HCN1: variants seen among roughly 807,000 people sequenced by gnomAD.
The protein encoded by HCN1 is hyperpolarization activated cyclic nucleotide gated potassium channel 1.
In HCN1, 13 loss-of-function variants were observed where a neutral mutation model predicts 78.9. The ratio of observed to expected loss-of-function variants is 0.16; its 90% CI spans 0.11 to 0.26. The LOEUF is 0.26. HCN1 is among the 10% of genes least tolerant of loss of function. The pLI, the probability that HCN1 is intolerant of heterozygous loss-of-function variation, is 1.00. For missense variants in HCN1, 810 were observed against 1,154.3 expected (o/e 0.70, Z 4.32); for synonymous variants, 552 against 455.5 (o/e 1.21, Z -2.70).
At chr5:45,539,453 G>A (rs1388480031) in intron 2 of HCN1, among the ~76,000 whole-genome samples, 1 of 151,206 alleles carries the variant, frequency 6.6e-6, no homozygotes, top group Non-Finnish European at 1.5e-5. Context: ...ACGAGGTCAG[G>A]AGATTGAGAC....
chr5:45,330,291 G>A (rs1395678951), intron 5 of HCN1, among the ~76,000 whole-genome samples: 1 of 151,170 alleles, frequency 6.6e-6, no homozygotes, highest in Non-Finnish European at 1.5e-5. Context: ...TTACACTGTT[G>A]TGCTTTAAGA....
chr5:45,485,396 T>C (rs577829903), intron 2 of HCN1, among the ~76,000 whole-genome samples: 4 of 152,188 alleles, frequency 2.6e-5, no homozygotes, highest in Admixed American at 1.3e-4. Context: ...TACATAAAAA[T>C]TTTTTAGAAA....
chr5:45,273,002 C>T (rs936431251), intron 6 of HCN1, among the ~76,000 whole-genome samples: 21 of 152,174 alleles, frequency 1.4e-4, no homozygotes, highest in South Asian at 4.1e-4. Context: ...GAGAGCTCAA[C>T]TAAGAACTTC....
chr5:45,302,825 G>A (rs1397774907), intron 6 of HCN1, among the ~76,000 whole-genome samples: 1 of 151,750 alleles, frequency 6.6e-6, no homozygotes, highest in Non-Finnish European at 1.5e-5. Context: ...AGATCTGATG[G>A]GTTCATCAGG....
intron 1 of HCN1, among the ~76,000 whole-genome samples, chr5:45,677,401 G>A (rs1373224640): frequency 6.6e-6 from 1 of 151,760 alleles, no homozygotes; most frequent in Non-Finnish European, 1.5e-5. Flanking sequence ...AATGCAAAAG[G>A]GCTGGAGCCT....
At position 45,530,295 on chromosome 5, in the gene HCN1, A is replaced by C. The variant is rs530628845; in HGVS notation, c.850-68288T>G. On this transcript the variant is annotated intron_variant, in intron 2 of 7. Transcript: ENST00000303230. ...TGAACACACTAAAACAAAAATAAAC[A>C]GAAGCCTGCCTTAAGTGACATTGTA... Among the ~76,000 whole-genome samples the C allele has an allele frequency of 2.0e-5, 3 of 152,204 alleles. No homozygotes were observed. The East Asian group carries it at 5.8e-4, about 29-fold the overall frequency.
intron 2 of HCN1, among the ~76,000 whole-genome samples, chr5:45,525,522 C>G (rs1211375333): frequency 1.3e-5 from 2 of 151,512 alleles, no homozygotes; most frequent in Non-Finnish European, 2.9e-5. Flanking sequence ...TCCGTCTGTA[C>G]AAATCCAATT....
At chr5:45,277,165 C>T (rs759077588) in intron 6 of HCN1, among the ~76,000 whole-genome samples, 9 of 152,072 alleles carry the variant, frequency 5.9e-5, no homozygotes, top group Non-Finnish European at 1.2e-4. Context: ...CTCTACATAT[C>T]TTGCCATTTA....
chr5:45,473,670 C>G (rs1741454512), intron 2 of HCN1, among the ~76,000 whole-genome samples: 1 of 151,522 alleles, frequency 6.6e-6, no homozygotes, highest in African/African-American at 2.4e-5. Context: ...TCCTCACCAT[C>G]ATTTAAGCAT....
rs1000212434 is a variant in HCN1 at position 45,462,016 on chromosome 5, C to A, written c.850-9G>T. 5.0e-6 allele frequency: 8 copies of A among 1,609,164 alleles called. No homozygotes were observed. The highest frequency in any genetic ancestry group is 5.9e-6 in the Non-Finnish European group (7 of 1,176,634). ...TATGTCATGTGGAATATCTGTTGAC[C>A]AAAATATAAAATCAATTCTTATAAT... On this transcript the variant is annotated splice_polypyrimidine_tract_variant and intron_variant, in intron 2 of 7. Transcript: ENST00000303230.
chr5:45,259,388 C>G lies in HCN1; in HGVS notation c.*2533G>C, dbSNP rs1579760287. The G allele has an allele frequency of 6.6e-6, 1 of 152,280 alleles. No homozygotes were observed. The highest frequency in any genetic ancestry group is 1.5e-5 in the Non-Finnish European group (1 of 67,898). The allele number at this position is 152,280 out of a possible 1,614,324, so 9.4% of individuals were successfully genotyped here. On this transcript the variant is annotated 3_prime_UTR_variant, in exon 8 of 8. Transcript: ENST00000303230. ...AAGAATCAGCTATTCTATTATCTTT[C>G]CAGCAGCAGAAAGACCAATGAATAA... is the stretch of plus-strand genomic sequence containing the variant.
At chr5:45,522,292 T>G (rs1266972878) in intron 2 of HCN1, among the ~76,000 whole-genome samples, 1 of 152,072 alleles carries the variant, frequency 6.6e-6, no homozygotes, top group African/African-American at 2.4e-5. Flanking sequence ...ATTAAATGTA[T>G]GTGGTCATTT....
At chr5:45,561,282 T>C (rs1743595288) in intron 2 of HCN1, among the ~76,000 whole-genome samples, 1 of 152,126 alleles carries the variant, frequency 6.6e-6, no homozygotes, top group African/African-American at 2.4e-5. Context: ...AAATAATTTC[T>C]ATTCATTGAA....
At chr5:45,614,757 T>C (rs973792239) in intron 2 of HCN1, among the ~76,000 whole-genome samples, 2 of 152,052 alleles carry the variant, frequency 1.3e-5, no homozygotes, top group African/African-American at 4.8e-5. Flanking sequence ...TTGATACATA[T>C]AAACAGTACT....
chr5:45,686,213 C>T (rs1739807104), intron 1 of HCN1, among the ~76,000 whole-genome samples: 1 of 151,094 alleles, frequency 6.6e-6, no homozygotes, highest in Non-Finnish European at 1.5e-5. Flanking sequence ...AATATTGTTA[C>T]CTCAAAATAA....
At chr5:45,283,535 G>GA (rs1260055988) in intron 6 of HCN1, among the ~76,000 whole-genome samples, 30 of 152,078 alleles carry the variant, frequency 2.0e-4, no homozygotes, top group African/African-American at 5.5e-4. Context: ...ACAATCATAT[G>GA]AAAAAAGCTC....
intron 6 of HCN1, among the ~76,000 whole-genome samples, chr5:45,284,941 T>G (rs934826328): frequency 1.5e-4 from 23 of 152,048 alleles, no homozygotes; most frequent in African/African-American, 4.1e-4. Flanking sequence ...TGTAGGTCAA[T>G]TCTATTAAAC....
intron 2 of HCN1, among the ~76,000 whole-genome samples, chr5:45,544,638 C>T (rs1743173032): frequency 7.3e-6 from 1 of 136,156 alleles, no homozygotes; most frequent in Admixed American, 7.9e-5. Flanking sequence ...GTGTGATATT[C>T]CCCACCTAGT....
intron 4 of HCN1, among the ~76,000 whole-genome samples, chr5:45,377,220 C>A (rs1561132992): frequency 1.3e-5 from 2 of 151,770 alleles, no homozygotes; most frequent in Admixed American, 1.3e-4. Flanking sequence ...AAATGGACAA[C>A]CATAGATCAA....
Sources: allele counts gnomAD v4.1 joint callset (sites outside exome capture counted in the v4.1 genomes callset), GRCh38; gene constraint gnomAD v4.1.1; transcripts MANE v1.5; gene names NCBI Gene and HGNC (gene_info 2026-07-23, HGNC 2026-07-21).